RNGTT: variants seen among roughly 807,000 people sequenced by gnomAD.
RNGTT encodes mRNA-capping enzyme.
Under a neutral mutation model 79.3 loss-of-function variants are expected in RNGTT, and 33 were observed. The observed-to-expected ratio is 0.42, with a 90% CI of 0.32 to 0.56. RNGTT has a LOEUF of 0.56. Ranked by LOEUF, RNGTT falls within the 20% of genes least tolerant of loss-of-function variation. RNGTT has a pLI of 0.17. For missense variants in RNGTT, 497 were observed against 739.1 expected, an observed-to-expected ratio of 0.67 and a Z score of 3.80; for synonymous variants, 222 against 235.9, an observed-to-expected ratio of 0.94 and a Z score of 0.54.
At chr6:88,772,027 T>A (rs1394862656) in intron 12 of RNGTT, among the ~76,000 whole-genome samples, 3 of 151,834 alleles carry the variant, frequency 2.0e-5, no homozygotes, top group Non-Finnish European at 2.9e-5. Context: ...AAAAATTTAA[T>A]AATTAGCCAA....
chr6:88,739,349 T>TG (rs1243913242), intron 13 of RNGTT, among the ~76,000 whole-genome samples: 1 of 152,078 alleles, frequency 6.6e-6, no homozygotes, highest in African/African-American at 2.4e-5. Context: ...AGTGTTTTTT[T>TG]GAGGCAAGCA....
intron 1 of RNGTT, among the ~76,000 whole-genome samples, chr6:88,944,121 G>GA (rs1416556756): frequency 6.6e-6 from 1 of 151,078 alleles, no homozygotes; most frequent in Non-Finnish European, 1.5e-5. Context: ...TCACTGAAAA[G>GA]AAAAAAACAA....
At chr6:88,894,589 C>T (rs1205444748) in intron 6 of RNGTT, among the ~76,000 whole-genome samples, 3 of 152,106 alleles carry the variant, frequency 2.0e-5, no homozygotes, top group East Asian at 1.9e-4. Flanking sequence ...GTTGAAGGAC[C>T]GCATGTACAC....
intron 11 of RNGTT, among the ~76,000 whole-genome samples, chr6:88,809,329 T>C (rs1334018061): frequency 6.6e-6 from 1 of 150,904 alleles, no homozygotes; most frequent in African/African-American, 2.4e-5. Flanking sequence ...ACTGGACAAA[T>C]AGAAAAAAAA....
At chr6:88,686,543 C>T (rs559261497) in intron 13 of RNGTT, among the ~76,000 whole-genome samples, 1 of 151,988 alleles carries the variant, frequency 6.6e-6, no homozygotes, top group South Asian at 2.1e-4. Flanking sequence ...GAAGCTTTAG[C>T]AATAATGAAA....
chr6:88,731,714 G>C (rs1432131031), intron 13 of RNGTT, among the ~76,000 whole-genome samples: 1 of 152,016 alleles, frequency 6.6e-6, no homozygotes, highest in African/African-American at 2.4e-5. Context: ...ATCCAATAAA[G>C]GTTTAACATC....
chr6:88,763,833 A>G (rs1335758937), intron 13 of RNGTT, among the ~76,000 whole-genome samples: 2 of 152,198 alleles, frequency 1.3e-5, no homozygotes, highest in African/African-American at 2.4e-5. Flanking sequence ...GGATACTAAA[A>G]AGGACGTTAC....
At chr6:88,794,411 C>T (rs1370904454) in intron 12 of RNGTT, among the ~76,000 whole-genome samples, 1 of 152,116 alleles carries the variant, frequency 6.6e-6, no homozygotes, top group African/African-American at 2.4e-5. Context: ...TATTTACCTA[C>T]ATTGATAACA....
At chr6:88,709,064 C>A (rs568036882) in intron 13 of RNGTT, among the ~76,000 whole-genome samples, 5 of 152,224 alleles carry the variant, frequency 3.3e-5, no homozygotes, top group African/African-American at 1.2e-4. Context: ...AATCCCAGCA[C>A]TTTGGGAGGC....
intron 13 of RNGTT, among the ~76,000 whole-genome samples, chr6:88,722,491 G>A (rs1776740246): frequency 6.6e-6 from 1 of 152,152 alleles, no homozygotes; most frequent in Admixed American, 6.5e-5. Context: ...GCCAAGAACA[G>A]CACAGATCAG....
At chr6:88,914,094 G>A (rs545931392) in intron 4 of RNGTT, among the ~76,000 whole-genome samples, 1 of 152,146 alleles carries the variant, frequency 6.6e-6, no homozygotes, top group Non-Finnish European at 1.5e-5. Flanking sequence ...TGAAAGATCT[G>A]TACTAGGAGA....
chr6:88,898,916 A>G (rs192053287), intron 6 of RNGTT, among the ~76,000 whole-genome samples: 1 of 151,534 alleles, frequency 6.6e-6, no homozygotes, highest in East Asian at 1.9e-4. Flanking sequence ...AAGCTAAATA[A>G]ATAAGTAAAT....
At chr6:88,737,708 C>T (rs1415517502) in intron 13 of RNGTT, among the ~76,000 whole-genome samples, 1 of 152,176 alleles carries the variant, frequency 6.6e-6, no homozygotes, top group African/African-American at 2.4e-5. Flanking sequence ...GCATCCGCGA[C>T]TCAAGGGGCA....
intron 11 of RNGTT, among the ~76,000 whole-genome samples, chr6:88,823,641 C>CA (rs1249089168): frequency 6.6e-6 from 1 of 151,804 alleles, no homozygotes; most frequent in Non-Finnish European, 1.5e-5. Flanking sequence ...AAATTCACCC[C>CA]AAAAAATAGA....
chr6:88,920,655 G>A (rs1784136093), intron 4 of RNGTT, among the ~76,000 whole-genome samples: 1 of 152,056 alleles, frequency 6.6e-6, no homozygotes, highest in African/African-American at 2.4e-5. Flanking sequence ...GCCATTATAG[G>A]GGTAAACATT....
chr6:88,927,969 C>T (rs1371444904), intron 4 of RNGTT, among the ~76,000 whole-genome samples: 2 of 152,038 alleles, frequency 1.3e-5, no homozygotes, highest in African/African-American at 4.8e-5. Context: ...TTTTGAGAGG[C>T]CGTGGCAAGA....
intron 14 of RNGTT, among the ~76,000 whole-genome samples, chr6:88,672,591 C>A (rs1774696939): frequency 6.6e-6 from 1 of 152,116 alleles, no homozygotes; most frequent in Admixed American, 6.6e-5. Context: ...AAAGACTACA[C>A]ATTGGGTACA....
intron 14 of RNGTT, among the ~76,000 whole-genome samples, chr6:88,644,984 T>C (rs1007597070): frequency 1.1e-4 from 16 of 152,106 alleles, no homozygotes; most frequent in African/African-American, 3.6e-4. Flanking sequence ...TTCAACATAG[T>C]GTTGGAAGTT....
At position 88,668,224 on chromosome 6, in the gene RNGTT, T is replaced by A. The variant is rs140781567; in HGVS notation, c.1506+10129A>T. On this transcript the variant is annotated intron_variant, in intron 14 of 15. Transcript: ENST00000369485. ...GATGCCAGACCATCATCCTGACCAC[T>A]CCCACCACCATGAAGGTAGAAGGAA... Among the ~76,000 whole-genome samples the A allele has an allele frequency of 7.2e-5, 11 of 152,142 alleles. No individual in the cohort carries two copies. The East Asian group carries it at 2.1e-3, about 29-fold the overall frequency.
Sources: gnomAD v4.1 joint callset for allele counts (sites outside exome capture counted in the v4.1 genomes callset) on GRCh38, gnomAD v4.1.1 for gene constraint, MANE v1.5 for transcripts, NCBI Gene and HGNC (gene_info 2026-07-23, HGNC 2026-07-21) for gene names.